Variants in ADGRL2 observed in about 807,000 individuals in gnomAD.
ADGRL2 encodes the protein adhesion G protein-coupled receptor L2.
Under a neutral mutation model 157.4 loss-of-function variants are expected in ADGRL2, and 44 were observed. That is an observed-to-expected ratio of 0.28 (90% CI 0.22 to 0.36). ADGRL2 has a LOEUF of 0.36. Among genes scored for constraint, ADGRL2 ranks in the 10% least tolerant of loss-of-function variants. The pLI is 1.00. For missense variants in ADGRL2, 1,510 were observed against 1,768.9 expected, an observed-to-expected ratio of 0.85 and a Z score of 2.63; for synonymous variants, 585 against 624.7, an observed-to-expected ratio of 0.94 and a Z score of 0.95.
chr1:81,625,309 C>T (rs1264623420), intron 3 of ADGRL2, among the ~76,000 whole-genome samples: 3 of 152,114 alleles, frequency 2.0e-5, no homozygotes, highest in Non-Finnish European at 4.4e-5. Context: ...TCCCTCCCTC[C>T]CTCTCTCCTC....
At chr1:81,921,945 T>G (rs1405689722) in intron 3 of ADGRL2, among the ~76,000 whole-genome samples, 2 of 152,170 alleles carry the variant, frequency 1.3e-5, no homozygotes, top group African/African-American at 2.4e-5. Context: ...CTGGTAAGAA[T>G]ATATTAGTAT....
chr1:81,814,151 A>T (rs1236005619), intron 1 of ADGRL2, among the ~76,000 whole-genome samples: 1 of 151,750 alleles, frequency 6.6e-6, no homozygotes, highest in South Asian at 2.1e-4. Flanking sequence ...AGTAACCATG[A>T]TCTTGGTAAA....
At chr1:81,473,056 T>A (rs2078203445) in intron 2 of ADGRL2, among the ~76,000 whole-genome samples, 1 of 129,744 alleles carries the variant, frequency 7.7e-6, no homozygotes, top group South Asian at 2.4e-4. Context: ...TGGATCAATG[T>A]AAGCAAATTA....
intron 3 of ADGRL2, among the ~76,000 whole-genome samples, chr1:81,656,457 G>A (rs1400134755): frequency 6.6e-6 from 1 of 152,134 alleles, no homozygotes; most frequent in Non-Finnish European, 1.5e-5. Flanking sequence ...CCACTAACTA[G>A]CTCTGTGATC....
At chr1:81,890,561 G>T (rs1250988126) in intron 2 of ADGRL2, among the ~76,000 whole-genome samples, 1 of 152,136 alleles carries the variant, frequency 6.6e-6, no homozygotes, top group East Asian at 1.9e-4. Context: ...CAGCAAGAAG[G>T]TAATTAAGAG....
chr1:81,946,501 A>G (rs1234417610), intron 6 of ADGRL2, among the ~76,000 whole-genome samples: 4 of 151,554 alleles, frequency 2.6e-5, no homozygotes, highest in Non-Finnish European at 4.4e-5. Context: ...ACTCTTTTCC[A>G]TTTCTTAATC....
chr1:81,592,971 T>C (rs1267702829), intron 3 of ADGRL2, among the ~76,000 whole-genome samples: 1 of 152,146 alleles, frequency 6.6e-6, no homozygotes, highest in Non-Finnish European at 1.5e-5. Flanking sequence ...GACAACCCAT[T>C]TATCCCAATT....
chr1:81,410,906 T>C (rs2076935113), intron 1 of ADGRL2, among the ~76,000 whole-genome samples: 1 of 152,220 alleles, frequency 6.6e-6, no homozygotes, highest in Non-Finnish European at 1.5e-5. Flanking sequence ...AAGCGTATAT[T>C]AAGTGTACAC....
At chr1:81,455,006 T>C (rs960350557) in intron 2 of ADGRL2, among the ~76,000 whole-genome samples, 1 of 152,338 alleles carries the variant, frequency 6.6e-6, no homozygotes, top group East Asian at 1.9e-4. Context: ...ATCCGTTAGA[T>C]GACCAGGTTT....
chr1:81,898,750 A>T (rs557123776), intron 2 of ADGRL2, among the ~76,000 whole-genome samples: 2 of 152,316 alleles, frequency 1.3e-5, no homozygotes, highest in African/African-American at 4.8e-5. Context: ...CACTATTTTC[A>T]TCTAAGTTAA....
At chr1:81,716,905 A>C (rs1285671260) in intron 1 of ADGRL2, among the ~76,000 whole-genome samples, 2 of 152,218 alleles carry the variant, frequency 1.3e-5, no homozygotes, top group Non-Finnish European at 2.9e-5. Flanking sequence ...CTTCAAAGAA[A>C]TAAAGTGCTG....
intron 17 of ADGRL2, among the ~76,000 whole-genome samples, chr1:81,974,809 C>A (rs1487577184): frequency 1.3e-5 from 2 of 151,934 alleles, no homozygotes; most frequent in South Asian, 2.1e-4. Context: ...TTTTTATGTT[C>A]ATCAATATGG....
chr1:81,373,986 AT>A (rs1192090644), intron 1 of ADGRL2, among the ~76,000 whole-genome samples: 2 of 152,216 alleles, frequency 1.3e-5, no homozygotes, highest in East Asian at 3.8e-4. Context: ...TAAATCTTAG[AT>A]TCAAGGATAC....
At position 81,830,796 on chromosome 1, in the gene ADGRL2, C is replaced by T. The variant is rs183152454; in HGVS notation, c.-100-6089C>T. ...TGCTGGGATTACAGGCGTGAGCCAC[C>T]GCGCCTGGCCAATTTTTCATATTTA... On this transcript the variant is annotated intron_variant, in intron 1 of 23. Coordinates refer to ENST00000686636, the MANE Select transcript of ADGRL2 (RefSeq NM_001366006.2). Among the ~76,000 whole-genome samples the T allele has an allele frequency of 6.0e-4, 91 of 152,256 alleles. 1 individual carries two copies. Among genetic ancestry groups the T allele is most frequent in the Middle Eastern group, 6.8e-3 (2 of 294 alleles).
In ADGRL2 at chr1:81,907,241, A is replaced by T; in HGVS notation, c.287+11A>T. ...AATTATGACTCAAAGGTAAATATTCATGTGTTAATGTCCCATTTGAGCTAT... is the reference window on the plus strand; with the variant it reads ...AATTATGACTCAAAGGTAAATATTCTTGTGTTAATGTCCCATTTGAGCTAT... On this transcript the variant is annotated intron_variant, in intron 3 of 23. Coordinates refer to ENST00000686636, the MANE Select transcript of ADGRL2 (RefSeq NM_001366006.2). 6.3e-7 allele frequency: 1 copy of T among 1,598,746 alleles called. No homozygotes were observed. The highest frequency in any genetic ancestry group is 8.6e-7 in the Non-Finnish European group (1 of 1,166,014).
At chr1:81,913,089 A>T (rs1290794977) in intron 3 of ADGRL2, among the ~76,000 whole-genome samples, 1 of 152,178 alleles carries the variant, frequency 6.6e-6, no homozygotes, top group Non-Finnish European at 1.5e-5. Flanking sequence ...AAAGGTTGGG[A>T]TAATGGAAGT....
chr1:81,807,052 C>T (rs1187350845), intron 1 of ADGRL2, among the ~76,000 whole-genome samples: 1 of 151,758 alleles, frequency 6.6e-6, no homozygotes, highest in Non-Finnish European at 1.5e-5. Flanking sequence ...TAAAATGCAT[C>T]GTTACAAAAA....
chr1:81,592,674 G>A (rs2081154983), intron 3 of ADGRL2, among the ~76,000 whole-genome samples: 1 of 152,190 alleles, frequency 6.6e-6, no homozygotes, highest in Non-Finnish European at 1.5e-5. Context: ...AAGGAAGAAA[G>A]CTAAGCAAGA....
At position 81,418,732 on chromosome 1, in the gene ADGRL2, C is replaced by T. The variant is rs761693658; in HGVS notation, c.-301-26304C>T. ...TCGGGCCTCTGCACTCCAGCCTGGA[C>T]GACAGAGTGAGACTCCATCTCAAAA... is the stretch of plus-strand genomic sequence containing the variant. On this transcript the variant is annotated intron_variant, in intron 1 of 24. Coordinates refer to the ADGRL2 transcript ENST00000370721. 5.3e-5 allele frequency among the ~76,000 whole-genome samples: 8 copies of T among 152,218 alleles called. No individual in the cohort carries two copies. The South Asian group carries it at 1.0e-3, about 20-fold the overall frequency.
Sources: allele counts gnomAD v4.1 joint callset (sites outside exome capture counted in the v4.1 genomes callset), GRCh38; gene constraint gnomAD v4.1.1; transcripts MANE v1.5; gene names NCBI Gene and HGNC (gene_info 2026-07-23, HGNC 2026-07-21).